The following MAF variants were observed in gnomAD, a reference collection of about 807,000 sequenced individuals.
The protein encoded by MAF is transcription factor Maf.
A neutral mutation model predicts 22.0 loss-of-function variants in MAF; 10 were observed. That is an observed-to-expected ratio of 0.45 (90% CI 0.28 to 0.77). The LOEUF (loss-of-function observed/expected upper bound fraction) is 0.77, where lower values mean the gene tolerates loss of function less well. Ranked by LOEUF, MAF falls within the 30% of genes least tolerant of loss-of-function variation. The pLI is 0.12. For synonymous variants in MAF, 337 were observed against 255.8 expected, an observed-to-expected ratio of 1.32 and a Z score of -3.03; for missense variants, 544 against 548.4, an observed-to-expected ratio of 0.99 and a Z score of 0.08.
the MAF span, among the ~76,000 whole-genome samples, chr16:79,555,335 C>A: frequency 6.6e-6 from 1 of 152,150 alleles, no homozygotes; most frequent in Admixed American, 6.5e-5. Context: ...CTAGACTTTA[C>A]AGTTTGAAGT....
chr16:79,531,903 T>C, the MAF span, among the ~76,000 whole-genome samples: 1 of 152,042 alleles, frequency 6.6e-6, no homozygotes, highest in Admixed American at 6.6e-5. Context: ...CAATGTCCTA[T>C]CCTATTAACT....
At chr16:79,433,311 G>T in the MAF span, among the ~76,000 whole-genome samples, 1 of 147,580 alleles carries the variant, frequency 6.8e-6, no homozygotes, top group Non-Finnish European at 1.5e-5. Context: ...ACTATGACCA[G>T]AAAAAAAAGA....
the MAF span, among the ~76,000 whole-genome samples, chr16:79,529,556 G>C: frequency 6.6e-6 from 1 of 152,172 alleles, no homozygotes; most frequent in Non-Finnish European, 1.5e-5. Flanking sequence ...ATCTCAGAGG[G>C]TGTTTTGGAA....
At chr16:79,595,309 A>G (rs1913450980) in intron 1 of MAF, 1 of 1,049,042 alleles carries the variant, frequency 9.5e-7, no homozygotes, top group African/African-American at 1.7e-5. Context: ...TGTTTTGTAA[A>G]AAATAGGCAG....
At chr16:79,584,580 G>T (rs1349277510), downstream of MAF, among the ~76,000 whole-genome samples, 1 of 152,128 alleles carries the variant, frequency 6.6e-6, no homozygotes, top group African/African-American at 2.4e-5. Flanking sequence ...GCTGAAAATG[G>T]ATGGTTTCAA....
the MAF span, chr16:79,211,779 G>A: frequency 1.2e-6 from 2 of 1,613,942 alleles, no homozygotes; most frequent in Non-Finnish European, 1.7e-6. Context: ...AGAACGGCTT[G>A]GCAGCCAGTC....
the MAF span, among the ~76,000 whole-genome samples, chr16:79,482,890 T>TCTCCTCCTCTCCCTCCCTCCG: frequency 1.8e-5 from 1 of 55,304 alleles, no homozygotes; most frequent in African/African-American, 8.6e-5. Context: ...CCCTCCCTCC[T>TCTCCTCCTCTCCCTCCCTCCG]TCCTTCCCTC....
chr16:79,434,161 G>A, the MAF span, among the ~76,000 whole-genome samples: 4 of 152,218 alleles, frequency 2.6e-5, no homozygotes, highest in Non-Finnish European at 4.4e-5. Flanking sequence ...GCAAGATGAG[G>A]TGACTTTCTC....
the MAF span, among the ~76,000 whole-genome samples, chr16:79,467,668 A>G: frequency 1.5e-3 from 228 of 152,176 alleles, no homozygotes; most frequent in African/African-American, 5.4e-3. Context: ...CTCAGGGCCC[A>G]CCCTGGACCT....
At chr16:79,277,172 C>T in the MAF span, among the ~76,000 whole-genome samples, 1 of 152,062 alleles carries the variant, frequency 6.6e-6, no homozygotes, top group South Asian at 2.1e-4. Flanking sequence ...CAAAATGCTC[C>T]TTAGGCAGAC....
the MAF span, among the ~76,000 whole-genome samples, chr16:79,528,280 G>T: frequency 1.3e-5 from 2 of 152,132 alleles, no homozygotes; most frequent in Non-Finnish European, 2.9e-5. Context: ...CCCTCTCATG[G>T]CAGTCCCAGT....
the MAF span, among the ~76,000 whole-genome samples, chr16:79,488,851 A>C: frequency 2.6e-5 from 4 of 152,182 alleles, no homozygotes; most frequent in South Asian, 6.2e-4. Context: ...TCAATTAAAA[A>C]GTTAATTAAG....
the MAF span, among the ~76,000 whole-genome samples, chr16:79,396,278 C>G: frequency 6.6e-6 from 1 of 152,138 alleles, no homozygotes; most frequent in African/African-American, 2.4e-5. Flanking sequence ...ATGGACCAAG[C>G]CTTGTGAGTC....
At chr16:79,408,078 CAAAA>C in the MAF span, among the ~76,000 whole-genome samples, 4 of 81,556 alleles carry the variant, frequency 4.9e-5, no homozygotes, top group African/African-American at 1.5e-4. Context: ...TTTTACCTTT[CAAAA>C]AAAAAAAAAA....
At chr16:79,359,151 A>T in the MAF span, among the ~76,000 whole-genome samples, 1 of 152,194 alleles carries the variant, frequency 6.6e-6, no homozygotes, top group Admixed American at 6.5e-5. Flanking sequence ...CTCTCCATAC[A>T]TCATTCCATA....
At chr16:79,463,582 G>T in the MAF span, among the ~76,000 whole-genome samples, 1 of 152,158 alleles carries the variant, frequency 6.6e-6, no homozygotes, top group Non-Finnish European at 1.5e-5. Context: ...TTTTGTAAGG[G>T]TCTGAGTGGG....
At chr16:79,343,241 C>T in the MAF span, among the ~76,000 whole-genome samples, 1 of 151,724 alleles carries the variant, frequency 6.6e-6, no homozygotes, top group East Asian at 1.9e-4. Flanking sequence ...AGCCCCAACC[C>T]CCCCCCAAAA....
the MAF span, among the ~76,000 whole-genome samples, chr16:79,349,510 C>A: frequency 2.6e-5 from 4 of 152,322 alleles, 1 homozygote; most frequent in East Asian, 7.7e-4. Context: ...TACCTTACAA[C>A]CCATTCGGGT....
chr16:79,374,500 T>A, the MAF span, among the ~76,000 whole-genome samples: 20 of 152,314 alleles, frequency 1.3e-4, no homozygotes, highest in East Asian at 3.9e-3. Flanking sequence ...TACTTACTTC[T>A]TGCAAGAACC....
Sources: allele counts gnomAD v4.1 joint callset (sites outside exome capture counted in the v4.1 genomes callset), GRCh38; gene constraint gnomAD v4.1.1; transcripts MANE v1.5; gene names NCBI Gene and HGNC (gene_info 2026-07-23, HGNC 2026-07-21).